COL6A6: variants seen among roughly 807,000 people sequenced by gnomAD.
COL6A6 encodes the protein collagen alpha-6(VI) chain.
A neutral mutation model predicts 208.6 loss-of-function variants in COL6A6; 183 were observed. The ratio of observed to expected loss-of-function variants is 0.88; its 90% CI spans 0.78 to 0.99. The LOEUF is 0.99. COL6A6 is among the 50% of genes least tolerant of loss of function. The pLI is 0.00. For missense variants in COL6A6, 2,816 were observed against 2,815.2 expected, an observed-to-expected ratio of 1.00 and a Z score of -0.01; for synonymous variants, 973 against 1,011.8, an observed-to-expected ratio of 0.96 and a Z score of 0.73.
intron 1 of COL6A6, among the ~76,000 whole-genome samples, chr3:130,544,635 C>G (rs1463105526): frequency 2.1e-5 from 3 of 140,822 alleles, no homozygotes; most frequent in African/African-American, 8.6e-5. Flanking sequence ...AGTGGCTGCA[C>G]CAATCTACAT....
intron 22 of COL6A6, 39 bp downstream of exon 22, chr3:130,609,003 A>C: frequency 6.6e-7 from 1 of 1,507,004 alleles, no homozygotes; most frequent in Non-Finnish European, 9.2e-7. Flanking sequence ...GAACATAAAG[A>C]AGAATCTGGG....
chr3:130,608,763 C>CCTTTTT, intron 21 of COL6A6, 139 bp from the exon 22 acceptor site: 1 of 308,646 alleles, frequency 3.2e-6, no homozygotes. Context: ...TATTTTTCAC[C>CCTTTTT]TTTTTTTTTT....
At chr3:130,666,707 CAAAAT>C (rs1285088180) in intron 36 of COL6A6, among the ~76,000 whole-genome samples, 6 of 151,628 alleles carry the variant, frequency 4.0e-5, no homozygotes, top group African/African-American at 9.7e-5. Context: ...ATTTTAGAGA[CAAAAT>C]GAAATGGGAA....
rs943981289 is a variant in COL6A6 at position 130,676,626 on chromosome 3, T to C, written c.*1229T>C. The C allele has an allele frequency of 6.6e-6, 1 of 152,232 alleles. No homozygotes were observed. Among genetic ancestry groups the C allele is most frequent in the Admixed American group, 6.5e-5 (1 of 15,286 alleles). 9.4% of individuals were successfully genotyped at this position (152,232 alleles called of 1,614,324 possible). A position where few individuals can be genotyped will look rare whatever the true frequency, so the allele number is the denominator to read the frequency against. On this transcript the variant is annotated 3_prime_UTR_variant, in exon 37 of 37. Transcript: ENST00000358511. ...CAGATGGATACTGACACCAAGGACA[T>C]TCAGATTTTCTTTCCTATACCTATT...
At position 130,627,191 on chromosome 3, in the gene COL6A6, T is replaced by C. The variant is rs575742277; in HGVS notation, c.4942-128T>C. On this transcript the variant is annotated intron_variant, in intron 25 of 36. Transcript: ENST00000358511. ...ATCATAAAATGTTGGTGGCCTGCCC[T>C]AGAAGGAGGATCCTGTGTCCTGCTT... The C allele has an allele frequency of 2.6e-5, 20 of 777,680 alleles. No individual in the cohort carries two copies. The African/African-American group carries it at 3.3e-4, about 13-fold the overall frequency. 48.2% of individuals were successfully genotyped at this position (777,680 alleles called of 1,614,324 possible). A position where few individuals can be genotyped will look rare whatever the true frequency, so the allele number is the denominator to read the frequency against.
intron 1 of COL6A6, among the ~76,000 whole-genome samples, chr3:130,523,816 A>G (rs1711223417): frequency 6.6e-6 from 1 of 152,184 alleles, no homozygotes; most frequent in Admixed American, 6.5e-5. Flanking sequence ...GTGTTTTTGG[A>G]AATGCAAGTG....
chr3:130,613,095 A>G (rs1435416462), intron 23 of COL6A6, among the ~76,000 whole-genome samples: 5 of 152,158 alleles, frequency 3.3e-5, no homozygotes, highest in Non-Finnish European at 5.9e-5. Context: ...GCCAAGTCCT[A>G]TGTCCAGAAT....
At position 130,593,184 on chromosome 3, in the gene COL6A6, C is replaced by G. The variant is rs780269587; in HGVS notation, c.4417-15C>G. 3 of 1,612,754 alleles carry G rather than the reference C, an allele frequency of 1.9e-6. No individual in the cohort carries two copies. Among genetic ancestry groups the G allele is most frequent in the Middle Eastern group, 1.6e-4 (1 of 6,082 alleles). On this transcript the variant is annotated splice_polypyrimidine_tract_variant and intron_variant, in intron 16 of 36. Transcript: ENST00000358511. ...ACGAGAATTCTATTAATAGCTTTCC[C>G]TTCTTGTTTTTTAGGGTGATAATGG...
intron 1 of COL6A6, among the ~76,000 whole-genome samples, chr3:130,528,812 C>T (rs970268692): frequency 4.6e-5 from 7 of 152,176 alleles, no homozygotes; most frequent in African/African-American, 1.4e-4. Context: ...CCAGGTAAGC[C>T]GGGAGCAGTG....
intron 2 of COL6A6, among the ~76,000 whole-genome samples, chr3:130,561,692 C>T (rs2062889200): frequency 7.3e-6 from 1 of 136,728 alleles, no homozygotes; most frequent in South Asian, 2.3e-4. Context: ...GTCGCCCAGG[C>T]CAGACTGCGG....
intron 35 of COL6A6, 80 bp downstream of exon 35, chr3:130,662,388 G>A (rs1219436903): frequency 6.6e-6 from 9 of 1,361,034 alleles, no homozygotes; most frequent in South Asian, 1.4e-5. Flanking sequence ...AGCTAACATG[G>A]ATACTTGGAA....
At chr3:130,590,297 A>AT (rs1324125521) in intron 12 of COL6A6, among the ~76,000 whole-genome samples, 18 of 7,488 alleles carry the variant, frequency 2.4e-3, no homozygotes, top group Admixed American at 3.2e-3. Context: ...ATATATATAT[A>AT]TATTTTTTTT....
intron 1 of COL6A6, among the ~76,000 whole-genome samples, chr3:130,554,936 A>T (rs2107820534): frequency 6.6e-6 from 1 of 152,200 alleles, no homozygotes; most frequent in African/African-American, 2.4e-5. Context: ...GAGGTACCTC[A>T]GTTGAGGTAC....
At chr3:130,564,124 T>C (rs113396373) in intron 3 of COL6A6, among the ~76,000 whole-genome samples, 44 of 152,356 alleles carry the variant, frequency 2.9e-4, no homozygotes, top group African/African-American at 9.9e-4. Context: ...AAAGAACTTA[T>C]ATATATCCTT....
At chr3:130,626,428 T>G in intron 24 of COL6A6, 57 bp from the exon 25 acceptor site, 1 of 1,211,748 alleles carries the variant, frequency 8.3e-7, no homozygotes, top group Non-Finnish European at 1.2e-6. Context: ...ACAGATGAGC[T>G]GAATTAGTGC....
chr3:130,592,606 T>G lies in COL6A6; in HGVS notation c.4338T>G (p.Gly1446=), dbSNP rs1199230945. 6.2e-7 allele frequency: 1 copy of G among 1,613,284 alleles called. No homozygotes were observed. Among genetic ancestry groups the G allele is most frequent in the African/African-American group, 1.3e-5 (1 of 74,858 alleles). ...CTAAGGGATGCTATGGCACCAAAGG[T>G]CCTAAGGTAAGGATTGCATAAGAGT... ...QGTKGCYGTK[G]PKGNRGLNGQ... The change falls in exon 14 of 37, where the codon GGT becomes GGG. Residue 1446 remains glycine (G), a synonymous_variant. Transcript: ENST00000358511.
chr3:130,639,339 T>A (rs749915949), intron 28 of COL6A6, among the ~76,000 whole-genome samples: 14 of 152,230 alleles, frequency 9.2e-5, no homozygotes, highest in Non-Finnish European at 1.5e-4. Context: ...TGTTTTGAAC[T>A]CTATTACTCA....
chr3:130,543,999 T>C (rs887192100), intron 1 of COL6A6, among the ~76,000 whole-genome samples: 1 of 152,210 alleles, frequency 6.6e-6, no homozygotes, highest in Non-Finnish European at 1.5e-5. Flanking sequence ...TAATATATCA[T>C]TCATCTAACA....
chr3:130,560,054 G>A (rs1354328683), intron 1 of COL6A6, among the ~76,000 whole-genome samples: 6 of 152,162 alleles, frequency 3.9e-5, no homozygotes, highest in Admixed American at 6.5e-5. Flanking sequence ...CTAGGAACGC[G>A]TAATATTGTT....
Sources: allele counts gnomAD v4.1 joint callset (sites outside exome capture counted in the v4.1 genomes callset), GRCh38; gene constraint gnomAD v4.1.1; transcripts MANE v1.5; gene names NCBI Gene and HGNC (gene_info 2026-07-23, HGNC 2026-07-21).